Variants in FUCA2 observed in about 807,000 individuals in gnomAD.
FUCA2 encodes plasma alpha-L-fucosidase.
FUCA2 carries 41 observed loss-of-function variants against 52.6 expected under a neutral mutation model. The observed-to-expected ratio is 0.78, with a 90% CI of 0.61 to 1.01. FUCA2 has a LOEUF of 1.01. FUCA2 is among the 50% of genes least tolerant of loss of function. The pLI is 0.00. For missense variants in FUCA2, 507 were observed against 569.5 expected (o/e 0.89, Z 1.12); for synonymous variants, 211 against 217.3 (o/e 0.97, Z 0.26).
At position 143,497,955 on chromosome 6, in the gene FUCA2, G is replaced by T. The variant is rs564167097; in HGVS notation, c.1155-458C>A. Among the ~76,000 whole-genome samples the T allele has an allele frequency of 2.6e-4, 40 of 152,342 alleles. No homozygotes were observed. Among genetic ancestry groups the T allele is most frequent in the Non-Finnish European group, 4.0e-4 (27 of 68,026 alleles). On this transcript the variant is annotated intron_variant, in intron 5 of 6. Transcript: ENST00000002165. The surrounding 1 kb of genome is among the most constrained non-coding windows in gnomAD (Gnocchi z 5.3). Reference sequence around the variant, plus strand: ...CCTTGTTCTTATGGAGCTTAGACTAGAGTGGGGAAAGCAGACACTAAACAA... The same window carrying T: ...CCTTGTTCTTATGGAGCTTAGACTATAGTGGGGAAAGCAGACACTAAACAA...
In FUCA2 at chr6:143,497,786, G is replaced by T. The variant is rs879941392; in HGVS notation, c.1155-289C>A. On this transcript the variant is annotated intron_variant, in intron 5 of 6. Coordinates refer to ENST00000002165, the MANE Select transcript of FUCA2 (RefSeq NM_032020.5). The surrounding 1 kb of genome is among the most constrained non-coding windows in gnomAD (Gnocchi z 5.3). ...GGGAGATGATCTAAGGGGACAGGAT[G>T]CAAGAGCTTCATGGCTTTTCATGTA... Among the ~76,000 whole-genome samples, 5 of 152,208 alleles carry T rather than the reference G, an allele frequency of 3.3e-5. No homozygotes were observed. The highest frequency in any genetic ancestry group is 3.3e-4 in the Admixed American group (5 of 15,286).
chr6:143,507,141 G>T lies in FUCA2; in HGVS notation c.412+96C>A. On this transcript the variant is annotated intron_variant, in intron 2 of 6. Coordinates refer to ENST00000002165, the MANE Select transcript of FUCA2 (RefSeq NM_032020.5). This position sits in a 1 kb window ranked among gnomAD's most constrained non-coding sequence, Gnocchi z 4.5. ...AGTCACCACTTATGGTTGCTCCGAA[G>T]AGAAAATTAGACCTTGCTTTAGTTT... 1 of 1,194,342 alleles carries T rather than the reference G, an allele frequency of 8.4e-7. No individual in the cohort carries two copies. The allele number at this position is 1,194,342 out of a possible 1,614,324, so 74.0% of individuals were successfully genotyped here.
Position 143,511,641 on chromosome 6 carries a change from G to A in FUCA2, c.-7C>T. 6.7e-7 allele frequency: 1 copy of A among 1,502,990 alleles called. No homozygotes were observed. Among genetic ancestry groups the A allele is most frequent in the Non-Finnish European group, 8.9e-7 (1 of 1,126,050 alleles). 93.1% of individuals were successfully genotyped at this position (1,502,990 alleles called of 1,614,324 possible). A position where few individuals can be genotyped will look rare whatever the true frequency, so the allele number is the denominator to read the frequency against. ...GGAGCTCCTGGGGCCGCATGTCCCGGCGCAGGCCGGCTGTCCTCTCTGCAG... is the reference window on the plus strand; with the variant it reads ...GGAGCTCCTGGGGCCGCATGTCCCGACGCAGGCCGGCTGTCCTCTCTGCAG... On this transcript the variant is annotated 5_prime_UTR_variant, in exon 1 of 7. Coordinates refer to ENST00000002165, the MANE Select transcript of FUCA2 (RefSeq NM_032020.5). The surrounding 1 kb of genome is among the most constrained non-coding windows in gnomAD (Gnocchi z 6.3).
At position 143,499,997 on chromosome 6, in the gene FUCA2, G is replaced by A. The variant is rs1328841536; in HGVS notation, c.1154+1935C>T. 1.3e-5 allele frequency among the ~76,000 whole-genome samples: 2 copies of A among 152,174 alleles called. No individual in the cohort carries two copies. ...GATTTGCAATGGGATCAGGACACAAGGGTTGACCTTAAAGCCAAAAGTGAG... is the reference window on the plus strand; with the variant it reads ...GATTTGCAATGGGATCAGGACACAAAGGTTGACCTTAAAGCCAAAAGTGAG... On this transcript the variant is annotated intron_variant, in intron 5 of 6. Coordinates refer to ENST00000002165, the MANE Select transcript of FUCA2 (RefSeq NM_032020.5). This position sits in a 1 kb window ranked among gnomAD's most constrained non-coding sequence, Gnocchi z 6.0.
rs748887888 is a variant in FUCA2 at position 143,502,396 on chromosome 6, C to A, written c.922G>T (p.Ala308Ser). 19 of 1,613,910 alleles carry A rather than the reference C, an allele frequency of 1.2e-5. No homozygotes were observed. The South Asian group carries it at 2.1e-4, about 18-fold the overall frequency. ...ATTGTAAGATAGTCAGAGATTCCAGCTTCCCTCCTATAGCCCCAGGACAGT... is the reference window on the plus strand; with the variant it reads ...ATTGTAAGATAGTCAGAGATTCCAGATTCCCTCCTATAGCCCCAGGACAGT... The part of the protein sequence containing the change: ...DKLSWGYRRE[A>S]GISDYLTIEE... The change falls in exon 4 of 7, where the codon GCT becomes TCT. Residue 308 changes from alanine (A) to serine (S), a missense_variant. Transcript: ENST00000002165. This position sits in a 1 kb window ranked among gnomAD's most constrained non-coding sequence, Gnocchi z 4.1.
In FUCA2 at chr6:143,501,282, G is replaced by A. The variant is rs1780523399; in HGVS notation, c.1154+650C>T. 1.3e-5 allele frequency among the ~76,000 whole-genome samples: 2 copies of A among 152,190 alleles called. No individual in the cohort carries two copies. The highest frequency in any genetic ancestry group is 2.4e-5 in the African/African-American group (1 of 41,446). ...AGTCAAGTAGATTGAAGAACAATTA[G>A]TCTAATCTTTCGGTTCCTATTTGAT... On this transcript the variant is annotated intron_variant, in intron 5 of 6. Coordinates refer to ENST00000002165, the MANE Select transcript of FUCA2 (RefSeq NM_032020.5). The surrounding 1 kb of genome is among the most constrained non-coding windows in gnomAD (Gnocchi z 6.1).
chr6:143,509,718 T>C lies in FUCA2; in HGVS notation c.224+1693A>G, dbSNP rs954172772. Among the ~76,000 whole-genome samples, 4 of 152,246 alleles carry C rather than the reference T, an allele frequency of 2.6e-5. No homozygotes were observed. The highest frequency in any genetic ancestry group is 7.2e-5 in the African/African-American group (3 of 41,460). ...CAAATAAAGATTTGTAACATCTTTT[T>C]GAAGTAGCTATGTTTTGGCATAAGA... On this transcript the variant is annotated intron_variant, in intron 1 of 6. Coordinates refer to ENST00000002165, the MANE Select transcript of FUCA2 (RefSeq NM_032020.5). This position sits in a 1 kb window ranked among gnomAD's most constrained non-coding sequence, Gnocchi z 5.4.
At chr6:143,508,435 T>C (rs1399524242) in intron 1 of FUCA2, among the ~76,000 whole-genome samples, 1 of 152,198 alleles carries the variant, frequency 6.6e-6, no homozygotes, top group Non-Finnish European at 1.5e-5. Context: ...GCACTATATT[T>C]CCCAAGACGA....
chr6:143,504,238 C>T lies in FUCA2; in HGVS notation c.427G>A (p.Gly143Arg), dbSNP rs763606613. ...TTCCAGTTCCACGAATATTCTGACC[C>T]CCACAAGGTAAAGCCTAGAAAATTA... is the stretch of plus-strand genomic sequence containing the variant. Reference protein sequence around the residue: ...SKHHEGFTLWGSEYSWNWNAI... With the variant: ...SKHHEGFTLWRSEYSWNWNAI... Residue 143 changes from glycine to arginine, a missense_variant, in exon 3 of 7, where the codon GGG becomes AGG. Coordinates refer to ENST00000002165, the MANE Select transcript of FUCA2 (RefSeq NM_032020.5). The surrounding 1 kb of genome is among the most constrained non-coding windows in gnomAD (Gnocchi z 4.4). 8.7e-6 allele frequency: 14 copies of T among 1,612,256 alleles called. No individual in the cohort carries two copies. The African/African-American group carries it at 1.1e-4, about 12-fold the overall frequency.
At chr6:143,496,226 TAATC>T (rs1780458402) in intron 6 of FUCA2, 1 of 173,740 alleles carries the variant, frequency 5.8e-6, no homozygotes, top group Admixed American at 5.8e-5. Context: ...TAACCTCCAC[TAATC>T]AATAATACAT....
chr6:143,496,435 A>G (rs1415681567), intron 6 of FUCA2: 1 of 152,222 alleles, frequency 6.6e-6, no homozygotes. Flanking sequence ...ACATAGATAA[A>G]ATAAAAACAT....
intron 2 of FUCA2, chr6:143,506,685 C>T (rs983647956): frequency 6.6e-6 from 1 of 152,238 alleles, no homozygotes; most frequent in Non-Finnish European, 1.5e-5. Flanking sequence ...TCTACCACCT[C>T]TGATTTTTCT....
At chr6:143,505,185 C>T (rs987691376) in intron 2 of FUCA2, 1 of 151,814 alleles carries the variant, frequency 6.6e-6, no homozygotes, top group Non-Finnish European at 1.5e-5. Flanking sequence ...GACTTAAATA[C>T]ATTGTTACTA....
intron 5 of FUCA2, among the ~76,000 whole-genome samples, chr6:143,498,780 CT>C (rs1458903878): frequency 6.6e-6 from 1 of 151,968 alleles, no homozygotes; most frequent in African/African-American, 2.4e-5. Flanking sequence ...ACTCTGATTG[CT>C]TTGTGGTGAA....
rs1780452617 is a variant in FUCA2, at chr6:143,495,886, A to C, written c.1264-39T>G. The C allele has an allele frequency of 1.3e-6, 2 of 1,599,372 alleles. No individual in the cohort carries two copies. The highest frequency in any genetic ancestry group is 2.7e-5 in the African/African-American group (2 of 74,660). On this transcript the variant is annotated intron_variant, in intron 6 of 6. Transcript: ENST00000002165. This position sits in a 1 kb window ranked among gnomAD's most constrained non-coding sequence, Gnocchi z 5.2. Reference sequence around the variant, plus strand: ...CATACATGCAAATGTCTCCAAATTTATCTCTTTATCTCACCCACTTTCTAT... The same window carrying C: ...CATACATGCAAATGTCTCCAAATTTCTCTCTTTATCTCACCCACTTTCTAT...
intron 2 of FUCA2, chr6:143,506,602 T>C (rs1780611746): frequency 1.3e-5 from 2 of 152,190 alleles, no homozygotes; most frequent in Admixed American, 1.3e-4. Context: ...TTACAAATAC[T>C]GGAGTGGTAA....
intron 1 of FUCA2, among the ~76,000 whole-genome samples, chr6:143,508,070 C>T (rs377659886): frequency 2.4e-4 from 36 of 152,346 alleles, no homozygotes; most frequent in African/African-American, 8.2e-4. Context: ...AAAAGGAAGA[C>T]TACATGCCTA....
At position 143,501,791 on chromosome 6, in the gene FUCA2, A is replaced by T; in HGVS notation, c.1154+141T>A. 1.6e-6 allele frequency: 1 copy of T among 635,252 alleles called. No homozygotes were observed. The highest frequency in any genetic ancestry group is 2.6e-6 in the Non-Finnish European group (1 of 383,202). The allele number at this position is 635,252 out of a possible 1,614,324, so 39.4% of individuals were successfully genotyped here. ...AAATTCTTCCCCTTCTCTTTATATT[A>T]GAGTAAGCAAAGTTTGGAAAGTGCT... On this transcript the variant is annotated intron_variant, in intron 5 of 6. Coordinates refer to ENST00000002165, the MANE Select transcript of FUCA2 (RefSeq NM_032020.5). This position sits in a 1 kb window ranked among gnomAD's most constrained non-coding sequence, Gnocchi z 6.1.
Position 143,500,586 on chromosome 6 carries a change from T to C in FUCA2, c.1154+1346A>G, listed in dbSNP as rs534189480. 6.6e-6 allele frequency among the ~76,000 whole-genome samples: 1 copy of C among 152,296 alleles called. No individual in the cohort carries two copies. Among genetic ancestry groups the C allele is most frequent in the African/African-American group, 2.4e-5 (1 of 41,562 alleles). On this transcript the variant is annotated intron_variant, in intron 5 of 6. Coordinates refer to ENST00000002165, the MANE Select transcript of FUCA2 (RefSeq NM_032020.5). The surrounding 1 kb of genome is among the most constrained non-coding windows in gnomAD (Gnocchi z 6.9). ...CAGTTGTGGACGTACAGGTCTAAGA[T>C]GCTATGCATCCAAGTGGAAGTGTTG...
Sources: allele counts gnomAD v4.1 joint callset (sites outside exome capture counted in the v4.1 genomes callset), GRCh38; gene constraint gnomAD v4.1.1; non-coding constraint Gnocchi (gnomAD v3.1); transcripts MANE v1.5; gene names NCBI Gene and HGNC (gene_info 2026-07-23, HGNC 2026-07-21).